The following ACTR10 variants were observed in gnomAD, a reference collection of about 807,000 sequenced individuals.
ACTR10 encodes actin related protein 10.
ACTR10 carries 43 observed loss-of-function variants against 56.2 expected under a neutral mutation model. The observed-to-expected ratio is 0.77, with a 90% CI of 0.60 to 0.99. The LOEUF is 0.99. Ranked by LOEUF, ACTR10 falls within the 50% of genes least tolerant of loss-of-function variation. The pLI is 0.00. For synonymous variants in ACTR10, 170 were observed against 176.3 expected (o/e 0.96, Z 0.28); for missense variants, 466 against 507.8 (o/e 0.92, Z 0.79).
At chr14:58,234,300 A>G (rs1298526724) in intron 12 of ACTR10, 70 bp from the exon 13 acceptor site, 1 of 1,332,920 alleles carries the variant, frequency 7.5e-7, no homozygotes, top group Non-Finnish European at 1.0e-6. Flanking sequence ...AGTGAAGTAG[A>G]TGTATGTGTA....
chr14:58,216,601 G>C (rs559344043), intron 7 of ACTR10, among the ~76,000 whole-genome samples: 4 of 152,214 alleles, frequency 2.6e-5, no homozygotes, highest in African/African-American at 7.2e-5. Context: ...CCTTATTAAA[G>C]CTACAGTAAA....
intron 8 of ACTR10, among the ~76,000 whole-genome samples, chr14:58,221,336 G>T (rs1889264233): frequency 6.7e-6 from 1 of 150,194 alleles, no homozygotes; most frequent in Non-Finnish European, 1.5e-5. Context: ...GCTGGCCCCT[G>T]TAATCCCAGC....
chr14:58,225,943 C>T, intron 10 of ACTR10, among the ~76,000 whole-genome samples: 1 of 152,118 alleles, frequency 6.6e-6, no homozygotes, highest in East Asian at 1.9e-4. Flanking sequence ...AACTCCTGAC[C>T]TCAGGTGATC....
At chr14:58,217,564 G>A (rs1018962802) in intron 7 of ACTR10, among the ~76,000 whole-genome samples, 11 of 151,898 alleles carry the variant, frequency 7.2e-5, no homozygotes, top group African/African-American at 2.7e-4. Context: ...TACTCGGGAG[G>A]CTGAGGCAGG....
chr14:58,225,295 AGTT>A (rs981560129), intron 10 of ACTR10, among the ~76,000 whole-genome samples: 6 of 152,212 alleles, frequency 3.9e-5, no homozygotes, highest in East Asian at 1.9e-4. Flanking sequence ...ATCCAATATA[AGTT>A]GTTGTTAAGA....
Position 58,207,506 on chromosome 14 carries a change from G to A in ACTR10, c.151-430G>A, listed in dbSNP as rs563493842. On this transcript the variant is annotated intron_variant, in intron 2 of 12. Transcript: ENST00000254286. ...CGCCTGGCTAATTTTTGTATTTTAAGTAGAGACAGCGTTTCACCATGTTGG... is the reference window on the plus strand; with the variant it reads ...CGCCTGGCTAATTTTTGTATTTTAAATAGAGACAGCGTTTCACCATGTTGG... Among the ~76,000 whole-genome samples the A allele has an allele frequency of 2.1e-4, 32 of 151,996 alleles. No individual in the cohort carries two copies. In the South Asian group the frequency reaches 4.4e-3, roughly 21 times the overall value.
chr14:58,226,834 A>G (rs1266680665), intron 10 of ACTR10, among the ~76,000 whole-genome samples: 1 of 152,104 alleles, frequency 6.6e-6, no homozygotes, highest in African/African-American at 2.4e-5. Flanking sequence ...TCCCGACCTC[A>G]GGTGATCTGC....
intron 7 of ACTR10, among the ~76,000 whole-genome samples, chr14:58,216,992 A>G (rs1039269677): frequency 8.5e-4 from 129 of 152,276 alleles, no homozygotes; most frequent in African/African-American, 2.8e-3. Flanking sequence ...AGGCATACCT[A>G]TGTTTTCCTG....
At chr14:58,214,525 C>T (rs1218575461) in intron 6 of ACTR10, among the ~76,000 whole-genome samples, 2 of 151,694 alleles carry the variant, frequency 1.3e-5, no homozygotes, top group Non-Finnish European at 2.9e-5. Context: ...GAGTCTCGCT[C>T]TGTCACCCAG....
rs1889655182 is a variant in ACTR10, at chr14:58,235,470, T to A, written c.*919T>A. On this transcript the variant is annotated 3_prime_UTR_variant, in exon 13 of 13. Coordinates refer to ENST00000254286, the MANE Select transcript of ACTR10 (RefSeq NM_018477.3). ...TTTCTAAGAAAAAAGATACTTCATT[T>A]TTATATAAGGTTACAACTGCTTTAT... 1 of 152,256 alleles carries A rather than the reference T, an allele frequency of 6.6e-6. No individual in the cohort carries two copies. The highest frequency in any genetic ancestry group is 1.5e-5 in the Non-Finnish European group (1 of 68,040). 9.4% of individuals were successfully genotyped at this position (152,256 alleles called of 1,614,324 possible). A position where few individuals can be genotyped will look rare whatever the true frequency, so the allele number is the denominator to read the frequency against.
At chr14:58,228,333 A>G (rs1405861676) in intron 10 of ACTR10, among the ~76,000 whole-genome samples, 1 of 152,188 alleles carries the variant, frequency 6.6e-6, no homozygotes, top group Non-Finnish European at 1.5e-5. Flanking sequence ...AAAGTCCAAC[A>G]TAGGCCGGGT....
intron 5 of ACTR10, among the ~76,000 whole-genome samples, chr14:58,212,522 T>C (rs543438432): frequency 3.4e-4 from 51 of 152,172 alleles, no homozygotes; most frequent in Non-Finnish European, 6.6e-4. Flanking sequence ...AAATTAAGCA[T>C]CATTAACTCC....
intron 3 of ACTR10, 59 bp downstream of exon 3, chr14:58,208,077 T>C: frequency 7.0e-7 from 1 of 1,429,822 alleles, no homozygotes; most frequent in South Asian, 1.4e-5. Flanking sequence ...AATGCCATAG[T>C]GATAATTGGT....
At chr14:58,221,509 A>G (rs1172727379) in intron 8 of ACTR10, among the ~76,000 whole-genome samples, 1 of 152,094 alleles carries the variant, frequency 6.6e-6, no homozygotes, top group Non-Finnish European at 1.5e-5. Flanking sequence ...TGGGAGGATC[A>G]CTTGAGCCTG....
At position 58,215,184 on chromosome 14, in the gene ACTR10, AC is replaced by A; in HGVS notation, c.519-20del. On this transcript the variant is annotated intron_variant, in intron 6 of 12. Coordinates refer to ENST00000254286, the MANE Select transcript of ACTR10 (RefSeq NM_018477.3). ...CAGTTTCAATATTTTCATTCCAGTAACTTTTTTTTTTTAATTTCAGAGAGTT... is the reference window on the plus strand; with the variant it reads ...CAGTTTCAATATTTTCATTCCAGTAATTTTTTTTTTTAATTTCAGAGAGTT... 7.2e-7 allele frequency: 1 copy of A among 1,380,934 alleles called. No individual in the cohort carries two copies. Among genetic ancestry groups the A allele is most frequent in the Non-Finnish European group, 1.0e-6 (1 of 990,036 alleles). 85.5% of individuals were successfully genotyped at this position (1,380,934 alleles called of 1,614,324 possible). A position where few individuals can be genotyped will look rare whatever the true frequency, so the allele number is the denominator to read the frequency against.
intron 10 of ACTR10, among the ~76,000 whole-genome samples, chr14:58,230,077 A>T (rs1051794796): frequency 6.6e-6 from 1 of 151,948 alleles, no homozygotes; most frequent in Admixed American, 6.6e-5. Context: ...CTTTTCTCTT[A>T]TTAGGTTTGG....
rs768882121 is a variant in ACTR10, at chr14:58,211,390, G to T, written c.441G>T (p.Leu147=). 1.2e-6 allele frequency: 2 copies of T among 1,611,922 alleles called. No individual in the cohort carries two copies. ...TAGATTGTGGATATAGGGAAAGCCT[G>T]GTGTTACCCATATCTTTTTTGTCAG... ...MVLDCGYRES[L]VLPIYEGIPV... Residue 147 remains leucine, a synonymous_variant, in exon 5 of 13, where the codon CTG becomes CTT. Transcript: ENST00000254286.
chr14:58,203,203 G>A (rs1429845862), intron 2 of ACTR10, among the ~76,000 whole-genome samples: 1 of 150,360 alleles, frequency 6.7e-6, no homozygotes, highest in Non-Finnish European at 1.5e-5. Context: ...TCAGGGGGCC[G>A]AGGCAGGAGA....
intron 10 of ACTR10, among the ~76,000 whole-genome samples, chr14:58,229,972 A>G (rs926452315): frequency 2.0e-5 from 3 of 152,178 alleles, no homozygotes; most frequent in Non-Finnish European, 4.4e-5. Context: ...TATTATTTTA[A>G]AAAACAAAGA....
Sources: gnomAD v4.1 joint callset for allele counts (sites outside exome capture counted in the v4.1 genomes callset) on GRCh38, gnomAD v4.1.1 for gene constraint, MANE v1.5 for transcripts, NCBI Gene and HGNC (gene_info 2026-07-23, HGNC 2026-07-21) for gene names.